The following PKNOX2 variants were observed in gnomAD, a reference collection of about 807,000 sequenced individuals.
PKNOX2 encodes homeobox protein PKNOX2.
Under a neutral mutation model 53.1 loss-of-function variants are expected in PKNOX2, and 14 were observed. That is an observed-to-expected ratio of 0.26 (90% confidence interval 0.17 to 0.41). PKNOX2 has a LOEUF of 0.41. Ranked by LOEUF, PKNOX2 falls within the 10% of genes least tolerant of loss-of-function variation. PKNOX2 has a pLI of 1.00. For synonymous variants in PKNOX2, 257 were observed against 242.8 expected, an observed-to-expected ratio of 1.06 and a Z score of -0.54; for missense variants, 496 against 602.8, an observed-to-expected ratio of 0.82 and a Z score of 1.85.
chr11:125,299,548 G>A (rs761917670), intron 2 of PKNOX2, among the ~76,000 whole-genome samples: 1 of 152,092 alleles, frequency 6.6e-6, no homozygotes, highest in Non-Finnish European at 1.5e-5. Flanking sequence ...CACTGGCAGT[G>A]CCACTACTCC....
chr11:125,363,820 T>TC (rs1952046880), intron 4 of PKNOX2, among the ~76,000 whole-genome samples: 1 of 150,962 alleles, frequency 6.6e-6, no homozygotes, highest in South Asian at 2.1e-4. Flanking sequence ...AGAGGTGTGC[T>TC]AGTAAATATT....
In PKNOX2 at chr11:125,422,260, C is replaced by T. The variant is rs913427522; in HGVS notation, c.937-6752C>T. 2.0e-5 allele frequency among the ~76,000 whole-genome samples: 3 copies of T among 152,220 alleles called. No homozygotes were observed. The highest frequency in any genetic ancestry group is 1.9e-4 in the East Asian group (1 of 5,174). ...CAGCCACGACTGTCTTCATTCTAGA[C>T]GCTGTTCAGGCATCTGTGCCTGAAG... On this transcript the variant is annotated intron_variant, in intron 10 of 12. Coordinates refer to ENST00000298282, the MANE Select transcript of PKNOX2 (RefSeq NM_001382323.2). The surrounding 1 kb of genome is among the most constrained non-coding windows in gnomAD (Gnocchi z 4.1).
intron 2 of PKNOX2, among the ~76,000 whole-genome samples, chr11:125,295,901 C>T (rs1947628780): frequency 6.6e-6 from 1 of 152,186 alleles, no homozygotes; most frequent in South Asian, 2.1e-4. Context: ...AAAAGCTCTT[C>T]AAGAATGTTC....
At chr11:125,211,233 A>G (rs1317358060) in intron 1 of PKNOX2, among the ~76,000 whole-genome samples, 1 of 152,136 alleles carries the variant, frequency 6.6e-6, no homozygotes, top group East Asian at 1.9e-4. Context: ...TCTCACTCCC[A>G]ACTGCAGCTT....
chr11:125,351,362 C>A lies in PKNOX2; in HGVS notation c.57C>A (p.Val19=). 2 of 1,605,838 alleles carry A rather than the reference C, an allele frequency of 1.2e-6. No individual in the cohort carries two copies. Among genetic ancestry groups the A allele is most frequent in the South Asian group, 1.1e-5 (1 of 90,182 alleles). ...PALTMMATQN[V]PPPPYQDSPQ... Reference sequence around the variant, plus strand: ...TGACGATGATGGCCACGCAGAATGTCCCGCCCCCACCCTACCAGGACAGCC... The same window carrying A: ...TGACGATGATGGCCACGCAGAATGTACCGCCCCCACCCTACCAGGACAGCC... Residue 19 remains valine (V), a synonymous_variant, in exon 4 of 13, where the codon GTC becomes GTA. Transcript: ENST00000298282.
At chr11:125,178,472 T>C (rs1333724138) in intron 1 of PKNOX2, among the ~76,000 whole-genome samples, 1 of 144,142 alleles carries the variant, frequency 6.9e-6, no homozygotes, top group Non-Finnish European at 1.5e-5. Flanking sequence ...GATTGTGCCA[T>C]TACACTCCAG....
chr11:125,397,698 G>T (rs1369969741), intron 6 of PKNOX2, among the ~76,000 whole-genome samples, 176 bp from the exon 7 acceptor site: 1 of 152,182 alleles, frequency 6.6e-6, no homozygotes, highest in African/African-American at 2.4e-5. Context: ...TGAAGTCATG[G>T]GGATGAGAAG....
intron 2 of PKNOX2, among the ~76,000 whole-genome samples, chr11:125,311,106 C>A (rs193298838): frequency 3.9e-4 from 60 of 152,272 alleles, no homozygotes; most frequent in African/African-American, 1.4e-3. Context: ...CTAACAGGCC[C>A]AGCCTACTCT....
At chr11:125,262,048 C>T (rs1232636499) in intron 2 of PKNOX2, among the ~76,000 whole-genome samples, 1 of 152,106 alleles carries the variant, frequency 6.6e-6, no homozygotes, top group African/African-American at 2.4e-5. Flanking sequence ...TTTAGGGCAC[C>T]TGGAGGGGAA....
intron 3 of PKNOX2, among the ~76,000 whole-genome samples, chr11:125,348,902 A>C (rs963921709): frequency 1.4e-4 from 21 of 152,138 alleles, no homozygotes; most frequent in African/African-American, 5.1e-4. Context: ...CTCCTTCCTG[A>C]GGCGGCTCCC....
intron 1 of PKNOX2, among the ~76,000 whole-genome samples, chr11:125,208,472 A>G (rs1939421443): frequency 1.3e-5 from 2 of 152,088 alleles, no homozygotes; most frequent in African/African-American, 2.4e-5. Flanking sequence ...TCTTGCAGAC[A>G]CTAATGTGTA....
rs75098275 is a variant in PKNOX2 at position 125,209,561 on chromosome 11, G to A, written c.-200-25484G>A. Reference sequence around the variant, plus strand: ...CATAGCATGCTCAGGAAGAAGGAAAGAAAATTAGGAAAACTCAGAAGGCAC... The same window carrying A: ...CATAGCATGCTCAGGAAGAAGGAAAAAAAATTAGGAAAACTCAGAAGGCAC... On this transcript the variant is annotated intron_variant, in intron 1 of 12. Coordinates refer to ENST00000298282, the MANE Select transcript of PKNOX2 (RefSeq NM_001382323.2). Among the ~76,000 whole-genome samples, 967 of 151,654 alleles carry A rather than the reference G, an allele frequency of 6.4e-3. 15 individuals are homozygous for A. The highest frequency in any genetic ancestry group is 0.061 in the East Asian group (315 of 5,176).
intron 5 of PKNOX2, 80 bp from the exon 6 acceptor site, chr11:125,385,471 G>C: frequency 6.8e-7 from 1 of 1,465,076 alleles, no homozygotes; most frequent in South Asian, 1.4e-5. Flanking sequence ...ACGTGGGCAG[G>C]GGAGCCTGGT....
chr11:125,299,694 C>T (rs1461163477), intron 2 of PKNOX2, among the ~76,000 whole-genome samples: 3 of 152,166 alleles, frequency 2.0e-5, no homozygotes, highest in Admixed American at 6.5e-5. Flanking sequence ...ACAAACTGTG[C>T]TGGTAGATGC....
At chr11:125,224,524 C>T (rs1409982071) in intron 1 of PKNOX2, among the ~76,000 whole-genome samples, 4 of 152,228 alleles carry the variant, frequency 2.6e-5, no homozygotes, top group Non-Finnish European at 4.4e-5. Flanking sequence ...AAATCTCCCG[C>T]CCCTTGCCTG....
rs142945605 is a variant in PKNOX2 at position 125,386,070 on chromosome 11, G to A, written c.399+348G>A. 7.0e-3 allele frequency among the ~76,000 whole-genome samples: 1,066 copies of A among 152,302 alleles called. 11 individuals carry two copies. Among genetic ancestry groups the A allele is most frequent in the African/African-American group, 0.025 (1,025 of 41,562 alleles). ...TGAGTCCTGGAGTCCTGGCATGTTA[G>A]CAAATCTGTCTTGGGCTGTCCAGAG... On this transcript the variant is annotated intron_variant, in intron 6 of 12. Transcript: ENST00000298282.
chr11:125,249,437 T>A (rs1319838165), intron 2 of PKNOX2, among the ~76,000 whole-genome samples: 3 of 152,150 alleles, frequency 2.0e-5, no homozygotes, highest in Non-Finnish European at 4.4e-5. Context: ...ATGAAAAATA[T>A]TTGGAGAAAA....
intron 1 of PKNOX2, among the ~76,000 whole-genome samples, chr11:125,206,210 G>T (rs624747): frequency 0.47 from 71,103 of 151,662 alleles, 17,375 homozygotes; most frequent in Middle Eastern, 0.55. Flanking sequence ...AACCGAGAAG[G>T]AAACTTCAAG....
At chr11:125,425,909 G>A (rs1956388682) in intron 10 of PKNOX2, among the ~76,000 whole-genome samples, 1 of 33,262 alleles carries the variant, frequency 3.0e-5, no homozygotes, top group Admixed American at 4.4e-4. Context: ...CGTGCGTCCT[G>A]AGATACTGGA....
Sources: gnomAD v4.1 joint callset for allele counts (sites outside exome capture counted in the v4.1 genomes callset) on GRCh38, gnomAD v4.1.1 for gene constraint, Gnocchi (gnomAD v3.1) non-coding constraint, MANE v1.5 for transcripts, NCBI Gene and HGNC (gene_info 2026-07-23, HGNC 2026-07-21) for gene names.